Variants in C12orf42 observed in about 807,000 individuals in gnomAD.
C12orf42 encodes chromosome 12 open reading frame 42.
In C12orf42, 25 loss-of-function variants were observed where a neutral mutation model predicts 21.6. The observed-to-expected ratio is 1.16, with a 90% CI of 0.84 to 1.62. C12orf42 has a LOEUF of 1.62. Ranked by LOEUF, C12orf42 falls within the 40% of genes most tolerant of loss-of-function variation. The pLI, the probability that C12orf42 is intolerant of heterozygous loss-of-function variation, is 0.00. For missense variants in C12orf42, 483 were observed against 459.3 expected (o/e 1.05, Z -0.47); for synonymous variants, 174 against 175.0 (o/e 0.99, Z 0.05).
intron 4 of C12orf42, among the ~76,000 whole-genome samples, chr12:103,358,108 T>C (rs1437806476): frequency 6.6e-6 from 1 of 152,030 alleles, no homozygotes; most frequent in East Asian, 1.9e-4. Flanking sequence ...GGCTCATTCA[T>C]AGAATGACAT....
the C12orf42 span, among the ~76,000 whole-genome samples, chr12:103,539,492 A>G: frequency 6.6e-6 from 1 of 152,104 alleles, no homozygotes; most frequent in South Asian, 2.1e-4. Context: ...TGAAATAATC[A>G]TTATACTGAA....
the C12orf42 span, among the ~76,000 whole-genome samples, chr12:103,063,786 C>G: frequency 3.3e-5 from 5 of 152,094 alleles, no homozygotes; most frequent in Non-Finnish European, 7.3e-5. Context: ...TGATAAAGTA[C>G]TGCTTGAGTT....
At chr12:103,543,808 TG>T in the C12orf42 span, among the ~76,000 whole-genome samples, 1 of 152,158 alleles carries the variant, frequency 6.6e-6, no homozygotes. Flanking sequence ...ATCTTCCATC[TG>T]GGAATATCTT....
the C12orf42 span, among the ~76,000 whole-genome samples, chr12:103,184,570 T>G: frequency 1.3e-5 from 2 of 152,088 alleles, no homozygotes; most frequent in South Asian, 4.1e-4. Flanking sequence ...GGAATGGCTA[T>G]GTAGTGCTCT....
chr12:103,228,729 AT>A, the C12orf42 span, among the ~76,000 whole-genome samples: 3 of 151,798 alleles, frequency 2.0e-5, no homozygotes, highest in Admixed American at 6.6e-5. Context: ...ATTTTACTAC[AT>A]TTTTTTCTAT....
intron 2 of C12orf42, among the ~76,000 whole-genome samples, chr12:103,435,368 T>C (rs1308022190): frequency 1.3e-5 from 2 of 152,224 alleles, no homozygotes; most frequent in African/African-American, 2.4e-5. Flanking sequence ...AGGAACGCAG[T>C]TCCTCACCAG....
At chr12:103,285,927 G>A (rs1241293075) in intron 4 of C12orf42, among the ~76,000 whole-genome samples, 2 of 152,176 alleles carry the variant, frequency 1.3e-5, no homozygotes, top group African/African-American at 4.8e-5. Flanking sequence ...GATAGTAGGT[G>A]CTCAATTAAT....
the C12orf42 span, among the ~76,000 whole-genome samples, chr12:103,077,064 T>C: frequency 6.6e-6 from 1 of 152,332 alleles, no homozygotes; most frequent in South Asian, 2.1e-4. Flanking sequence ...CAATAAAATC[T>C]TGAGACTTTG....
At chr12:103,189,089 T>A in the C12orf42 span, among the ~76,000 whole-genome samples, 1 of 152,132 alleles carries the variant, frequency 6.6e-6, no homozygotes, top group African/African-American at 2.4e-5. Context: ...AAGAAACGAC[T>A]CCTAATGGAA....
chr12:103,049,124 C>T, the C12orf42 span, among the ~76,000 whole-genome samples: 1 of 152,210 alleles, frequency 6.6e-6, no homozygotes, highest in South Asian at 2.1e-4. Context: ...GACCTCTTAG[C>T]TACACTCCAG....
the C12orf42 span, among the ~76,000 whole-genome samples, chr12:103,102,169 G>T: frequency 1.3e-5 from 2 of 152,178 alleles, no homozygotes; most frequent in African/African-American, 4.8e-5. Context: ...CACATGGAGA[G>T]AAATAATTGG....
chr12:103,141,719 G>A, the C12orf42 span, among the ~76,000 whole-genome samples: 1 of 151,814 alleles, frequency 6.6e-6, no homozygotes, highest in African/African-American at 2.4e-5. Context: ...TAGTAGAAAC[G>A]GGGTTTCACC....
At position 103,302,489 on chromosome 12, in the gene C12orf42, G is replaced by C; in HGVS notation, c.702C>G (p.Ser234Arg). The change falls in exon 6 of 6, where the codon AGC becomes AGG. Residue 234 changes from serine to arginine, a missense_variant. Coordinates refer to ENST00000548883, the MANE Select transcript of C12orf42 (RefSeq NM_198521.5). ...CGAGCTCTGTGTTACTCGGGCCGGT[G>C]CTCTGCAGAGCGCCGGGCGTCTGGC... ...RRSQTPGALQSTGPSNTELEP... is the reference protein window; with the variant it reads ...RRSQTPGALQRTGPSNTELEP... 1 of 1,613,428 alleles carries C rather than the reference G, an allele frequency of 6.2e-7. No individual in the cohort carries two copies. The highest frequency in any genetic ancestry group is 8.5e-7 in the Non-Finnish European group (1 of 1,179,750).
At chr12:103,560,615 G>A in the C12orf42 span, among the ~76,000 whole-genome samples, 1 of 152,144 alleles carries the variant, frequency 6.6e-6, no homozygotes, top group Non-Finnish European at 1.5e-5. Context: ...GTGGCCTACT[G>A]AGCCCAAAGC....
At chr12:103,437,243 T>C (rs1027190370) in intron 2 of C12orf42, among the ~76,000 whole-genome samples, 1 of 152,080 alleles carries the variant, frequency 6.6e-6, no homozygotes, top group Admixed American at 6.6e-5. Flanking sequence ...ATCTCTGGGA[T>C]GCATTCAAAG....
At chr12:103,529,999 C>G in the C12orf42 span, among the ~76,000 whole-genome samples, 1 of 152,142 alleles carries the variant, frequency 6.6e-6, no homozygotes, top group African/African-American at 2.4e-5. Context: ...CTTCATTTTG[C>G]TTTAGTCAAT....
intron 1 of C12orf42, among the ~76,000 whole-genome samples, chr12:103,494,901 T>A (rs1249970456): frequency 1.3e-5 from 2 of 152,100 alleles, no homozygotes; most frequent in African/African-American, 4.8e-5. Flanking sequence ...AGCACAGTTG[T>A]CACAGGGAGA....
In C12orf42 at chr12:103,303,575, CATAAA is replaced by C. The variant is rs770366602; in HGVS notation, c.632-1021_632-1017del. Among the ~76,000 whole-genome samples, 14 of 152,266 alleles carry C rather than the reference CATAAA, an allele frequency of 9.2e-5. No homozygotes were observed. The South Asian group carries it at 1.0e-3, about 11-fold the overall frequency. On this transcript the variant is annotated intron_variant, in intron 5 of 5. Transcript: ENST00000548883. ...AGATCATTCCAAAATTCAAAAAACA[CATAAA>C]ATAATTAAAATGAATAGTACCTTCC...
the C12orf42 span, among the ~76,000 whole-genome samples, chr12:103,074,122 G>A: frequency 3.3e-5 from 5 of 152,118 alleles, no homozygotes; most frequent in African/African-American, 1.2e-4. Context: ...TGTTTACGGG[G>A]AGTTAACCTA....
Sources: allele counts gnomAD v4.1 joint callset (sites outside exome capture counted in the v4.1 genomes callset), GRCh38; gene constraint gnomAD v4.1.1; transcripts MANE v1.5; gene names NCBI Gene and HGNC (gene_info 2026-07-23, HGNC 2026-07-21).